IQSEC1: variants seen among roughly 807,000 people sequenced by gnomAD.
IQSEC1 encodes IQ motif and SEC7 domain-containing protein 1.
IQSEC1 carries 31 observed loss-of-function variants against 91.0 expected under a neutral mutation model. The ratio of observed to expected loss-of-function variants is 0.34; its 90% CI spans 0.26 to 0.46. The LOEUF (loss-of-function observed/expected upper bound fraction) is 0.46. IQSEC1 is among the 20% of genes least tolerant of loss of function. IQSEC1 has a pLI of 1.00. For missense variants in IQSEC1, 1,388 were observed against 1,575.6 expected, an observed-to-expected ratio of 0.88 and a Z score of 2.02; for synonymous variants, 699 against 662.6, an observed-to-expected ratio of 1.05 and a Z score of -0.84.
At chr3:13,218,872 G>A (rs556330803) in intron 1 of IQSEC1, among the ~76,000 whole-genome samples, 10 of 152,230 alleles carry the variant, frequency 6.6e-5, no homozygotes, top group South Asian at 2.1e-4. Context: ...AGCCCCGGCC[G>A]CCACCTCTAC....
At chr3:13,140,155 G>T (rs1706776940) in intron 2 of IQSEC1, among the ~76,000 whole-genome samples, 1 of 152,056 alleles carries the variant, frequency 6.6e-6, no homozygotes, top group Non-Finnish European at 1.5e-5. Context: ...CCTCCTCCAG[G>T]CAGTCTTCCT....
intron 1 of IQSEC1, among the ~76,000 whole-genome samples, chr3:13,250,606 T>TATTTA (rs1326750379): frequency 3.3e-5 from 2 of 60,072 alleles, no homozygotes; most frequent in Non-Finnish European, 5.8e-5. Flanking sequence ...CCAGATAATT[T>TATTTA]ATTTTATTTT....
chr3:13,257,227 C>T (rs1695305651), intron 1 of IQSEC1, among the ~76,000 whole-genome samples: 1 of 152,152 alleles, frequency 6.6e-6, no homozygotes, highest in African/African-American at 2.4e-5. Flanking sequence ...CGAACGTTTC[C>T]AAGTGGTCAT....
chr3:12,903,361 C>G (rs2125014096), intron 12 of IQSEC1, among the ~76,000 whole-genome samples: 1 of 152,298 alleles, frequency 6.6e-6, no homozygotes, highest in Non-Finnish European at 1.5e-5. Context: ...AACTTCACAT[C>G]CCCGCTTCCT....
Position 12,920,469 on chromosome 3 carries a change from G to A in IQSEC1, c.1981C>T (p.Arg661Trp), listed in dbSNP as rs762792731. The A allele has an allele frequency of 1.2e-6, 2 of 1,614,224 alleles. No individual in the cohort carries two copies. The highest frequency in any genetic ancestry group is 2.2e-5 in the East Asian group (1 of 44,892). Residue 661 changes from arginine to tryptophan, a missense_variant, in exon 6 of 14, where the codon CGG (arginine) becomes TGG (tryptophan). Physicochemically the swap from Arg to Trp is moderately radical, Grantham distance 101 (BLOSUM62 -3). Coordinates refer to ENST00000613206, the MANE Select transcript of IQSEC1 (RefSeq NM_001134382.3). ...ATGAAGTCCTCTAGCTTCATTTTCC[G>A]CTCGGGCTTGACATTGGGGCTGTAC... ...DMYSPNVKPE[R>W]KMKLEDFIKN...
rs756259757 is a variant in IQSEC1 at position 13,167,048 on chromosome 3, C to T, written c.273-2915G>A. Among the ~76,000 whole-genome samples, 16 of 152,204 alleles carry T rather than the reference C, an allele frequency of 1.1e-4. No individual in the cohort carries two copies. In the South Asian group the frequency reaches 1.2e-3, roughly 12 times the overall value. ...GTGCAAACATGTGTGCATGTGTGTA[C>T]GTGTGTGGTACACTGTATGTGGGTG... On this transcript the variant is annotated intron_variant, in intron 1 of 15. Transcript: ENST00000648114.
chr3:13,000,439 G>T (rs933172454), intron 1 of IQSEC1, among the ~76,000 whole-genome samples: 2 of 152,118 alleles, frequency 1.3e-5, no homozygotes, highest in Non-Finnish European at 2.9e-5. Flanking sequence ...GAGACAGTGG[G>T]GCCAGGTACA....
rs1038937773 is a variant in IQSEC1, at chr3:13,252,716, A to G, written c.272+29995T>C. Among the ~76,000 whole-genome samples, 10 of 125,796 alleles carry G rather than the reference A, an allele frequency of 7.9e-5. 1 individual carries two copies. Among genetic ancestry groups the G allele is most frequent in the Admixed American group, 5.9e-4 (8 of 13,526 alleles). 82.5% of individuals were successfully genotyped at this position (125,796 alleles called of 152,430 possible). A position where few individuals can be genotyped will look rare whatever the true frequency, so the allele number is the denominator to read the frequency against. ...TTCACCAACAGACTTCTTATTATCTATGTTTTTTTTTGTTTTTGTTTGTTT... is the reference window on the plus strand; with the variant it reads ...TTCACCAACAGACTTCTTATTATCTGTGTTTTTTTTTGTTTTTGTTTGTTT... On this transcript the variant is annotated intron_variant, in intron 1 of 15. Coordinates refer to the IQSEC1 transcript ENST00000648114.
At chr3:13,216,307 C>G (rs762044619) in intron 1 of IQSEC1, among the ~76,000 whole-genome samples, 6 of 152,268 alleles carry the variant, frequency 3.9e-5, no homozygotes, top group Non-Finnish European at 5.9e-5. Flanking sequence ...TCCCCTACAC[C>G]AGCAGCCCCA....
chr3:13,250,331 C>T (rs527551012), intron 1 of IQSEC1, among the ~76,000 whole-genome samples: 19 of 151,952 alleles, frequency 1.3e-4, no homozygotes, highest in Admixed American at 9.8e-4. Flanking sequence ...AGGACAAACG[C>T]GGGGACCTGG....
intron 1 of IQSEC1, among the ~76,000 whole-genome samples, chr3:12,986,820 C>A (rs1245586631): frequency 2.0e-5 from 3 of 152,200 alleles, no homozygotes; most frequent in East Asian, 3.8e-4. Flanking sequence ...CACAGGGGAC[C>A]GAGACCCGGC....
intron 1 of IQSEC1, among the ~76,000 whole-genome samples, chr3:13,227,389 A>AAAAG (rs1553576752): frequency 5.3e-5 from 8 of 149,870 alleles, no homozygotes; most frequent in East Asian, 1.9e-4. Flanking sequence ...AAAAAAAAAA[A>AAAAG]AAAAAAAGAA....
chr3:13,175,724 C>T (rs567459165), intron 1 of IQSEC1, among the ~76,000 whole-genome samples: 2 of 152,362 alleles, frequency 1.3e-5, no homozygotes, highest in South Asian at 4.1e-4. Flanking sequence ...GATGAAGGCT[C>T]CCCTAGATTC....
At chr3:13,142,328 A>C (rs1576269234) in intron 2 of IQSEC1, among the ~76,000 whole-genome samples, 1 of 152,294 alleles carries the variant, frequency 6.6e-6, no homozygotes, top group South Asian at 2.1e-4. Context: ...GTGGGTGTGG[A>C]AGCAGCAGCC....
At chr3:12,984,036 C>T (rs1237469854) in intron 1 of IQSEC1, among the ~76,000 whole-genome samples, 1 of 152,128 alleles carries the variant, frequency 6.6e-6, no homozygotes, top group Non-Finnish European at 1.5e-5. Context: ...GTACAGAGTG[C>T]CAGAAACAGC....
At chr3:12,928,361 G>C (rs371882712) in intron 3 of IQSEC1, among the ~76,000 whole-genome samples, 13 of 152,346 alleles carry the variant, frequency 8.5e-5, no homozygotes, top group Admixed American at 6.5e-4. Context: ...GGGCCATACC[G>C]CAGAAGTGAG....
intron 1 of IQSEC1, among the ~76,000 whole-genome samples, chr3:13,021,678 C>T (rs955732137): frequency 3.9e-5 from 6 of 152,212 alleles, no homozygotes; most frequent in Non-Finnish European, 4.4e-5. Context: ...TGAAGGGACG[C>T]GTGTGAGCCC....
chr3:13,152,423 T>C (rs1381822574), intron 2 of IQSEC1, among the ~76,000 whole-genome samples: 1 of 152,252 alleles, frequency 6.6e-6, no homozygotes, highest in African/African-American at 2.4e-5. Flanking sequence ...TTTCAAATAA[T>C]AGCTGTAGAA....
At chr3:13,151,841 C>G (rs1379296717) in intron 2 of IQSEC1, among the ~76,000 whole-genome samples, 1 of 152,074 alleles carries the variant, frequency 6.6e-6, no homozygotes, top group Non-Finnish European at 1.5e-5. Context: ...TGGCAGGTGC[C>G]TGTAATCCCA....
Sources: gnomAD v4.1 joint callset for allele counts (sites outside exome capture counted in the v4.1 genomes callset) on GRCh38, gnomAD v4.1.1 for gene constraint, MANE v1.5 for transcripts, NCBI Gene and HGNC (gene_info 2026-07-23, HGNC 2026-07-21) for gene names.